PDE9A: variants seen among roughly 807,000 people sequenced by gnomAD.
PDE9A encodes phosphodiesterase 9A.
PDE9A carries 60 observed loss-of-function variants against 87.4 expected under a neutral mutation model. The observed-to-expected ratio is 0.69, with a 90% confidence interval of 0.56 to 0.85. The LOEUF is 0.85. Among genes scored for constraint, PDE9A ranks in the 40% least tolerant of loss-of-function variants. PDE9A has a pLI of 0.00. For synonymous variants in PDE9A, 272 were observed against 279.4 expected (o/e 0.97, Z 0.27); for missense variants, 665 against 779.0 (o/e 0.85, Z 1.74).
At chr21:42,665,725 A>G (rs1235460374) in intron 1 of PDE9A, among the ~76,000 whole-genome samples, 5 of 152,230 alleles carry the variant, frequency 3.3e-5, no homozygotes, top group Non-Finnish European at 7.3e-5. Flanking sequence ...CTTGGAGCCC[A>G]GGATCAAGTC....
intron 15 of PDE9A, 150 bp downstream of exon 15, chr21:42,765,644 C>T: frequency 1.5e-6 from 1 of 670,470 alleles, no homozygotes; most frequent in South Asian, 1.6e-5. Flanking sequence ...GGTCATGACT[C>T]TTACTAGGAA....
chr21:42,766,775 C>T (rs769926887), intron 15 of PDE9A, among the ~76,000 whole-genome samples: 87 of 152,178 alleles, frequency 5.7e-4, no homozygotes, highest in Non-Finnish European at 1.0e-3. Context: ...AGGGAGGCGC[C>T]GCCTTGTCCT....
chr21:42,770,858 A>G (rs978458852), intron 18 of PDE9A, 60 bp downstream of exon 18: 1 of 1,296,084 alleles, frequency 7.7e-7, no homozygotes, highest in Admixed American at 1.7e-5. Context: ...TGCCCTCCGC[A>G]CTCCCGACTC....
chr21:42,734,439 A>G (rs1009244609), intron 7 of PDE9A: 7 of 152,378 alleles, frequency 4.6e-5, no homozygotes, highest in Admixed American at 6.5e-5. Flanking sequence ...TGTCAATGAC[A>G]AGGCAAAGGT....
At position 42,770,916 on chromosome 21, in the gene PDE9A, C is replaced by T. The variant is rs890600436; in HGVS notation, c.1686+118C>T. Reference sequence around the variant, plus strand: ...AGGGCACCACTGAAGGCCCCGTGGACAGGCACACGTGTACCTTCCATCAGA... The same window carrying T: ...AGGGCACCACTGAAGGCCCCGTGGATAGGCACACGTGTACCTTCCATCAGA... On this transcript the variant is annotated intron_variant, in intron 18 of 19. Transcript: ENST00000291539. 2.1e-5 allele frequency: 15 copies of T among 711,606 alleles called. No individual in the cohort carries two copies. The African/African-American group carries it at 2.5e-4, about 12-fold the overall frequency. 44.1% of individuals were successfully genotyped at this position (711,606 alleles called of 1,614,324 possible).
Position 42,705,574 on chromosome 21 carries a change from G to A in PDE9A, c.262+6563G>A, listed in dbSNP as rs1209157813. On this transcript the variant is annotated intron_variant, in intron 4 of 19. Coordinates refer to ENST00000291539, the MANE Select transcript of PDE9A (RefSeq NM_002606.3). This position sits in a 1 kb window ranked among gnomAD's most constrained non-coding sequence, Gnocchi z 4.3. ...CATGGGTCCGTGTGATCTCATGACC[G>A]TATCAAGGGGATTGTGTCTTTTTGA... Among the ~76,000 whole-genome samples, 1 of 152,176 alleles carries A rather than the reference G, an allele frequency of 6.6e-6. No individual in the cohort carries two copies. Among genetic ancestry groups the A allele is most frequent in the Non-Finnish European group, 1.5e-5 (1 of 68,036 alleles).
chr21:42,721,287 G>A (rs904844042), intron 4 of PDE9A, among the ~76,000 whole-genome samples: 5 of 152,150 alleles, frequency 3.3e-5, no homozygotes, highest in East Asian at 1.9e-4. Flanking sequence ...GAAAAAACTC[G>A]ATTCAATGCC....
At chr21:42,765,963 G>A (rs2056358983) in intron 15 of PDE9A, among the ~76,000 whole-genome samples, 1 of 152,168 alleles carries the variant, frequency 6.6e-6, no homozygotes, top group African/African-American at 2.4e-5. Flanking sequence ...AAGGGGTAGG[G>A]GGCCTCCCCC....
rs1403288126 is a variant in PDE9A, at chr21:42,716,826, C to G, written c.263-14944C>G. Among the ~76,000 whole-genome samples the G allele has an allele frequency of 1.4e-5, 2 of 142,650 alleles. 1 individual carries two copies. The highest frequency in any genetic ancestry group is 3.0e-5 in the Non-Finnish European group (2 of 66,558). The allele number at this position is 142,650 out of a possible 152,430, so 93.6% of individuals were successfully genotyped here. A position where few individuals can be genotyped will look rare whatever the true frequency, so the allele number is the denominator to read the frequency against. On this transcript the variant is annotated intron_variant, in intron 4 of 19. Transcript: ENST00000291539. ...AGTGCAGTAGTGAGATCTCAGCTCACTGCAACCTCCACCTCCTAGGTTCAA... is the reference window on the plus strand; with the variant it reads ...AGTGCAGTAGTGAGATCTCAGCTCAGTGCAACCTCCACCTCCTAGGTTCAA...
At position 42,675,637 on chromosome 21, in the gene PDE9A, G is replaced by A. The variant is rs115376983; in HGVS notation, c.70-10555G>A. ...GCCTCACTGCCTCTGCGTTAGTGCC[G>A]CCACTTCATCTCAGATACTCTCCTG... On this transcript the variant is annotated intron_variant, in intron 1 of 19. Coordinates refer to ENST00000291539, the MANE Select transcript of PDE9A (RefSeq NM_002606.3). This position sits in a 1 kb window ranked among gnomAD's most constrained non-coding sequence, Gnocchi z 4.3. Among the ~76,000 whole-genome samples the A allele has an allele frequency of 4.8e-3, 733 of 152,266 alleles. 8 individuals are homozygous for A. The highest frequency in any genetic ancestry group is 0.017 in the African/African-American group (707 of 41,546).
At chr21:42,738,488 G>A (rs756568310) in intron 7 of PDE9A, among the ~76,000 whole-genome samples, 10 of 152,044 alleles carry the variant, frequency 6.6e-5, no homozygotes, top group South Asian at 2.1e-4. Flanking sequence ...CCTGAGCCTC[G>A]GCTCAGCTCT....
intron 7 of PDE9A, among the ~76,000 whole-genome samples, chr21:42,735,569 C>A (rs144170839): frequency 6.6e-6 from 1 of 152,178 alleles, no homozygotes; most frequent in Non-Finnish European, 1.5e-5. Flanking sequence ...TCCCAGCAAT[C>A]CTTACCGTTC....
chr21:42,744,119 G>A (rs772839040), intron 8 of PDE9A, among the ~76,000 whole-genome samples: 5 of 152,204 alleles, frequency 3.3e-5, no homozygotes, highest in Non-Finnish European at 7.3e-5. Flanking sequence ...TTGGGAGGCC[G>A]AGGTGGGAGG....
chr21:42,726,607 TATATATATATA>T (rs1367208607), intron 4 of PDE9A, among the ~76,000 whole-genome samples: 6 of 22,872 alleles, frequency 2.6e-4, no homozygotes, highest in African/African-American at 2.1e-3. Flanking sequence ...TATATATATA[TATATATATATA>T]TATATATTTT....
Position 42,769,045 on chromosome 21 carries a change from G to C in PDE9A, c.1480G>C (p.Glu494Gln). ...YFMQSDREKS[E>Q]GLPVAPFMDR... Reference sequence around the variant, plus strand: ...CCTGCAGAGCGACCGTGAGAAGTCAGAAGGCCTTCCTGTGGCACCGTTCAT... The same window carrying C: ...CCTGCAGAGCGACCGTGAGAAGTCACAAGGCCTTCCTGTGGCACCGTTCAT... Residue 494 changes from glutamate to glutamine, a missense_variant, in exon 17 of 20, where the codon GAA becomes CAA. Coordinates refer to ENST00000291539, the MANE Select transcript of PDE9A (RefSeq NM_002606.3). 6.2e-7 allele frequency: 1 copy of C among 1,613,226 alleles called. No homozygotes were observed.
At chr21:42,717,774 C>G (rs10154056) in intron 4 of PDE9A, among the ~76,000 whole-genome samples, 1 of 151,226 alleles carries the variant, frequency 6.6e-6, no homozygotes, top group Non-Finnish European at 1.5e-5. Context: ...TTGTTTTCTT[C>G]AAGAAGCTTA....
chr21:42,663,034 A>T (rs375251274), intron 1 of PDE9A, among the ~76,000 whole-genome samples: 1 of 147,818 alleles, frequency 6.8e-6, no homozygotes, highest in African/African-American at 2.6e-5. Context: ...TATCACACAC[A>T]TGCACATCAC....
intron 9 of PDE9A, among the ~76,000 whole-genome samples, chr21:42,752,197 A>G (rs898317097): frequency 3.9e-5 from 6 of 152,182 alleles, no homozygotes; most frequent in Admixed American, 2.0e-4. Flanking sequence ...ACTGGTGTCC[A>G]TTAGTCCGTG....
Position 42,733,660 on chromosome 21 carries a change from C to G in PDE9A, c.568+234C>G, listed in dbSNP as rs1310941562. On this transcript the variant is annotated intron_variant, in intron 7 of 19. Transcript: ENST00000291539. ...CTCATGGTATAAAGCATTCTTTCAG[C>G]CCCAAAGAATAAAAATGAACACACG... is the stretch of plus-strand genomic sequence containing the variant. The G allele has an allele frequency of 5.5e-6, 3 of 540,794 alleles. No homozygotes were observed. In the East Asian group the frequency reaches 8.8e-5, roughly 16 times the overall value. The allele number at this position is 540,794 out of a possible 1,614,324, so 33.5% of individuals were successfully genotyped here. A position where few individuals can be genotyped will look rare whatever the true frequency, so the allele number is the denominator to read the frequency against.
Sources: allele counts gnomAD v4.1 joint callset (sites outside exome capture counted in the v4.1 genomes callset), GRCh38; gene constraint gnomAD v4.1.1; non-coding constraint Gnocchi (gnomAD v3.1); transcripts MANE v1.5; gene names NCBI Gene and HGNC (gene_info 2026-07-23, HGNC 2026-07-21).